The following PXMP2 variants were observed in gnomAD, a reference collection of about 807,000 sequenced individuals.
The protein encoded by PXMP2 is peroxisomal membrane protein 2.
In PXMP2, 13 loss-of-function variants were observed where a neutral mutation model predicts 20.2. The ratio of observed to expected loss-of-function variants is 0.64; its 90% confidence interval spans 0.42 to 1.02. The LOEUF (loss-of-function observed/expected upper bound fraction) is 1.02. PXMP2 is among the 50% of genes least tolerant of loss of function. The pLI is 0.00. For missense variants in PXMP2, 284 were observed against 251.8 expected (o/e 1.13, Z -0.87); for synonymous variants, 113 against 111.2 (o/e 1.02, Z -0.10).
chr12:132,688,356 A>ACAGGGCGAGGGGAGCGGGTCT, intron 1 of PXMP2, among the ~76,000 whole-genome samples: 1 of 32,732 alleles, frequency 3.1e-5, no homozygotes. Flanking sequence ...GTCCTCATGG[A>ACAGGGCGAGGGGAGCGGGTCT]GCGTGTGGAG....
At chr12:132,703,765 GAAGT>G (rs920728671) in intron 4 of PXMP2, among the ~76,000 whole-genome samples, 9 of 152,328 alleles carry the variant, frequency 5.9e-5, no homozygotes, top group Admixed American at 2.0e-4. Context: ...AGCATCTGGG[GAAGT>G]GAGAAGGCAG....
chr12:132,687,680 G>A lies in PXMP2; in HGVS notation c.10G>A (p.Ala4Thr). Residue 4 changes from alanine (A) to threonine (T), a missense_variant, in exon 1 of 5, where the codon GCC becomes ACC. By Grantham distance (58) the Ala-to-Thr change is moderately conservative. Transcript: ENST00000317479. MAP[A>T]ASRLRAEAGL... is the part of the protein sequence containing the mutation. ...CGGCGCTGGGGAGGCGATGGCGCCGGCCGCGTCCAGGCTGCGGGCCGAAGC... is the reference window on the plus strand; with the variant it reads ...CGGCGCTGGGGAGGCGATGGCGCCGACCGCGTCCAGGCTGCGGGCCGAAGC... 8.5e-7 allele frequency: 1 copy of A among 1,175,276 alleles called. No individual in the cohort carries two copies. The allele number at this position is 1,175,276 out of a possible 1,614,324, so 72.8% of individuals were successfully genotyped here. A position where few individuals can be genotyped will look rare whatever the true frequency, so the allele number is the denominator to read the frequency against.
In PXMP2 at chr12:132,696,916, G is replaced by A. The variant is rs537281016; in HGVS notation, c.399+870G>A. Among the ~76,000 whole-genome samples, 2 of 152,006 alleles carry A rather than the reference G, an allele frequency of 1.3e-5. No homozygotes were observed. Among genetic ancestry groups the A allele is most frequent in the Non-Finnish European group, 2.9e-5 (2 of 68,008 alleles). ...CTTGAAGCCGGGAGGTGGAGGTTGT[G>A]GTGAGCTGAGATTGTGCCACTGCAC... On this transcript the variant is annotated intron_variant, in intron 3 of 4. Transcript: ENST00000317479. The surrounding 1 kb of genome is among the most constrained non-coding windows in gnomAD (Gnocchi z 4.4).
In PXMP2 at chr12:132,694,585, TAGTG is replaced by T. The variant is rs202234288; in HGVS notation, c.237-1296_237-1293del. Among the ~76,000 whole-genome samples, 14 of 113,984 alleles carry T rather than the reference TAGTG, an allele frequency of 1.2e-4. 1 individual carries two copies. The South Asian group carries it at 4.5e-3, about 37-fold the overall frequency. The allele number at this position is 113,984 out of a possible 152,430, so 74.8% of individuals were successfully genotyped here. ...TTAGTGAGCGCCCTTGCCAGTTAGT[TAGTG>T]AGCTCCCTTAGCCAGTTAGTGAGCT... On this transcript the variant is annotated intron_variant, in intron 2 of 4. Transcript: ENST00000317479.
intron 2 of PXMP2, among the ~76,000 whole-genome samples, chr12:132,694,171 TGAGCTCCCTTAGCTAGTTAGA>T (rs2043392805): frequency 8.4e-6 from 1 of 119,432 alleles, no homozygotes; most frequent in African/African-American, 3.3e-5. Context: ...AGCCAGTTAG[TGAGCTCCCTTAGCTAGTTAGA>T]GAGCTCCCTT....
intron 1 of PXMP2, among the ~76,000 whole-genome samples, chr12:132,689,987 A>G (rs1565989566): frequency 1.3e-5 from 2 of 152,154 alleles, no homozygotes; most frequent in Non-Finnish European, 2.9e-5. Context: ...TCATAACCAC[A>G]CAGCTTCCCA....
chr12:132,698,881 C>T (rs1042367919), intron 3 of PXMP2, among the ~76,000 whole-genome samples: 1 of 152,158 alleles, frequency 6.6e-6, no homozygotes, highest in Non-Finnish European at 1.5e-5. Flanking sequence ...CCCACCTTGG[C>T]ATTACAGGCA....
In PXMP2 at chr12:132,704,742, C is replaced by T. The variant is rs762274283; in HGVS notation, c.*55C>T. The T allele has an allele frequency of 9.7e-6, 15 of 1,539,484 alleles. No individual in the cohort carries two copies. Among genetic ancestry groups the T allele is most frequent in the Admixed American group, 5.2e-5 (3 of 57,424 alleles). On this transcript the variant is annotated 3_prime_UTR_variant, in exon 5 of 5. Coordinates refer to ENST00000317479, the MANE Select transcript of PXMP2 (RefSeq NM_018663.3). Reference sequence around the variant, plus strand: ...TGGACGTGGGTCTGGGGGTCTCACCCGCCCAGCGAGAGCAGAACCAATCCA... The same window carrying T: ...TGGACGTGGGTCTGGGGGTCTCACCTGCCCAGCGAGAGCAGAACCAATCCA...
chr12:132,695,727 C>T (rs572223924), intron 2 of PXMP2, among the ~76,000 whole-genome samples, 157 bp from the exon 3 acceptor site: 4 of 152,266 alleles, frequency 2.6e-5, no homozygotes, highest in Admixed American at 6.5e-5. Flanking sequence ...AGAGACAGAG[C>T]GCCCCTGAAG....
chr12:132,688,214 G>A (rs1343462959), intron 1 of PXMP2: 1 of 204,058 alleles, frequency 4.9e-6, no homozygotes, highest in Non-Finnish European at 9.7e-6. Context: ...GGTGAAGACA[G>A]GGCGAGGGGA....
At position 132,696,051 on chromosome 12, in the gene PXMP2, G is replaced by A; in HGVS notation, c.399+5G>A. On this transcript the variant is annotated splice_donor_5th_base_variant and intron_variant, in intron 3 of 4. Coordinates refer to ENST00000317479, the MANE Select transcript of PXMP2 (RefSeq NM_018663.3). This position sits in a 1 kb window ranked among gnomAD's most constrained non-coding sequence, Gnocchi z 4.4. The stretch of plus-strand genomic sequence containing the variant: ...CTCATCATGAACTTTCTGGAGGTGG[G>A]TGTCTGCCACAGCACTTACTGCAGC... The A allele has an allele frequency of 6.2e-7, 1 of 1,600,318 alleles. No homozygotes were observed. The highest frequency in any genetic ancestry group is 8.5e-7 in the Non-Finnish European group (1 of 1,172,008).
In PXMP2 at chr12:132,704,875, C is replaced by G. The variant is rs11835147; in HGVS notation, c.*188C>G. 4 of 657,038 alleles carry G rather than the reference C, an allele frequency of 6.1e-6. No individual in the cohort carries two copies. Among genetic ancestry groups the G allele is most frequent in the Non-Finnish European group, 1.1e-5 (4 of 372,058 alleles). 40.7% of individuals were successfully genotyped at this position (657,038 alleles called of 1,614,324 possible). ...GAACCCTGTCTTTTAAAAAGGCAGT[C>G]GCTGCCTTCAGGTGGTGCTGCCCCA... On this transcript the variant is annotated 3_prime_UTR_variant, in exon 5 of 5. Transcript: ENST00000317479.
At chr12:132,694,873 TAGTTAGTG>T (rs1022328541) in intron 2 of PXMP2, among the ~76,000 whole-genome samples, 1 of 143,394 alleles carries the variant, frequency 7.0e-6, no homozygotes, top group African/African-American at 2.7e-5. Context: ...CTTAGCCAGT[TAGTTAGTG>T]AGCGCCCTTG....
chr12:132,700,848 C>CTTTTTTTTTT (rs544795992), intron 3 of PXMP2, among the ~76,000 whole-genome samples: 1 of 140,068 alleles, frequency 7.1e-6, no homozygotes, highest in Non-Finnish European at 1.5e-5. Context: ...TACTGGAGTC[C>CTTTTTTTTTT]TTTTTTTTTT....
intron 1 of PXMP2, 60 bp downstream of exon 1, chr12:132,687,852 G>A (rs1469200969): frequency 3.6e-6 from 4 of 1,106,022 alleles, no homozygotes; most frequent in East Asian, 5.1e-5. Context: ...CAGCGGCGCG[G>A]GGCCTGGACG....
chr12:132,691,744 AC>A (rs1436506013), intron 2 of PXMP2, among the ~76,000 whole-genome samples: 2 of 151,894 alleles, frequency 1.3e-5, no homozygotes, highest in Non-Finnish European at 2.9e-5. Flanking sequence ...AGGCCACATA[AC>A]CCCCTATGAC....
intron 2 of PXMP2, among the ~76,000 whole-genome samples, chr12:132,693,812 T>C (rs1252171731): frequency 1.4e-5 from 1 of 71,126 alleles, no homozygotes; most frequent in African/African-American, 4.7e-5. Flanking sequence ...CTTAGCCAGT[T>C]AGTTAGTGAG....
chr12:132,695,440 C>A (rs1393082826), intron 2 of PXMP2, among the ~76,000 whole-genome samples: 2 of 152,216 alleles, frequency 1.3e-5, no homozygotes, highest in African/African-American at 4.8e-5. Context: ...CGAAGCCTGG[C>A]CCTGTTCTGG....
Position 132,704,796 on chromosome 12 carries a change from T to G in PXMP2, c.*109T>G, listed in dbSNP as rs1486540875. 2 of 1,028,714 alleles carry G rather than the reference T, an allele frequency of 1.9e-6. No homozygotes were observed. The highest frequency in any genetic ancestry group is 3.0e-6 in the Non-Finnish European group (2 of 661,534). The allele number at this position is 1,028,714 out of a possible 1,614,324, so 63.7% of individuals were successfully genotyped here. ...AGGATGTCACTGACTCTAAATCAGG[T>G]GATTCAAGATGCCCAAAAATGATGG... On this transcript the variant is annotated 3_prime_UTR_variant, in exon 5 of 5. Transcript: ENST00000317479.
Sources: allele counts gnomAD v4.1 joint callset (sites outside exome capture counted in the v4.1 genomes callset), GRCh38; gene constraint gnomAD v4.1.1; non-coding constraint Gnocchi (gnomAD v3.1); transcripts MANE v1.5; gene names NCBI Gene and HGNC (gene_info 2026-07-23, HGNC 2026-07-21).